DGKI: variants seen among roughly 807,000 people sequenced by gnomAD.
DGKI encodes DAG kinase iota.
DGKI carries 55 observed loss-of-function variants against 147.5 expected under a neutral mutation model. The observed-to-expected ratio is 0.37, with a 90% CI of 0.30 to 0.47. The LOEUF is 0.47. Among genes scored for constraint, DGKI ranks in the 20% least tolerant of loss-of-function variants. The pLI is 1.00. For missense variants in DGKI, 1,007 were observed against 1,323.8 expected (o/e 0.76, Z 3.71); for synonymous variants, 469 against 477.1 (o/e 0.98, Z 0.22).
At chr7:137,559,849 TA>T (rs1818358524) in intron 19 of DGKI, among the ~76,000 whole-genome samples, 1 of 152,194 alleles carries the variant, frequency 6.6e-6, no homozygotes, top group Non-Finnish European at 1.5e-5. Context: ...ATCATTCCTC[TA>T]AAATCTGCAA....
At chr7:137,689,586 A>C (rs1451306227) in intron 2 of DGKI, among the ~76,000 whole-genome samples, 2 of 152,256 alleles carry the variant, frequency 1.3e-5, no homozygotes, top group Non-Finnish European at 2.9e-5. Context: ...GGTAAGCTCA[A>C]TTCATCGTCA....
intron 21 of DGKI, among the ~76,000 whole-genome samples, chr7:137,506,549 C>T (rs1304797461): frequency 6.6e-6 from 1 of 152,030 alleles, no homozygotes; most frequent in African/African-American, 2.4e-5. Context: ...TTGTGAAAGC[C>T]CATAGAATTA....
chr7:137,444,489 T>A (rs985887542), intron 27 of DGKI, among the ~76,000 whole-genome samples: 1 of 152,232 alleles, frequency 6.6e-6, no homozygotes, highest in Non-Finnish European at 1.5e-5. Context: ...TGTCTGTAGA[T>A]ACAAAGAGAT....
intron 24 of DGKI, among the ~76,000 whole-genome samples, chr7:137,469,171 G>A (rs373743039): frequency 1.3e-5 from 2 of 152,280 alleles, no homozygotes; most frequent in African/African-American, 4.8e-5. Flanking sequence ...AAAATAATAT[G>A]AATGTTCCAT....
intron 32 of DGKI, among the ~76,000 whole-genome samples, chr7:137,394,319 TTGTTAG>T (rs1421932339): frequency 6.6e-6 from 1 of 152,226 alleles, no homozygotes; most frequent in Admixed American, 6.5e-5. Context: ...TCATCAGCTA[TTGTTAG>T]TGTTAGTGTA....
intron 12 of DGKI, among the ~76,000 whole-genome samples, chr7:137,589,641 G>C (rs2128984889): frequency 6.6e-6 from 1 of 152,288 alleles, no homozygotes; most frequent in Middle Eastern, 3.4e-3. Context: ...CTAATAAACT[G>C]CAAGAAGGGG....
intron 20 of DGKI, among the ~76,000 whole-genome samples, chr7:137,525,494 G>C (rs1817112718): frequency 6.6e-6 from 1 of 152,128 alleles, no homozygotes; most frequent in South Asian, 2.1e-4. Flanking sequence ...AGCAGGTATG[G>C]GAGGCAACAC....
Position 137,718,635 on chromosome 7 carries a change from G to T in DGKI, c.402-28633C>A, listed in dbSNP as rs190029086. Among the ~76,000 whole-genome samples, 386 of 152,278 alleles carry T rather than the reference G, an allele frequency of 2.5e-3. 2 individuals are homozygous for T. The highest frequency in any genetic ancestry group is 4.4e-3 in the Non-Finnish European group (299 of 68,022). On this transcript the variant is annotated intron_variant, in intron 1 of 32. Transcript: ENST00000614521. Reference sequence around the variant, plus strand: ...GTCATTTGCTGGCACATGTGAAAAAGAAGCCTCTGAAATGTGGACAACATA... The same window carrying T: ...GTCATTTGCTGGCACATGTGAAAAATAAGCCTCTGAAATGTGGACAACATA...
intron 1 of DGKI, among the ~76,000 whole-genome samples, chr7:137,698,767 T>G (rs1014237040): frequency 1.4e-4 from 22 of 152,118 alleles, no homozygotes; most frequent in Admixed American, 6.5e-4. Context: ...ATTAGAAAGT[T>G]TAAGTAATTT....
rs969158654 is a variant in DGKI, at chr7:137,383,217, AATTGGCAAAATT to A, written c.*7991_*8002del. On this transcript the variant is annotated 3_prime_UTR_variant, in exon 33 of 33. Coordinates refer to ENST00000614521, the MANE Select transcript of DGKI (RefSeq NM_001321708.2). ...TTAGGAGATTTGGGAATTGGCTAAC[AATTGGCAAAATT>A]GCTAGCCAATTTCCAAATCTCCTAA... The A allele has an allele frequency of 3.3e-5, 5 of 151,386 alleles. No homozygotes were observed. Among genetic ancestry groups the A allele is most frequent in the African/African-American group, 1.2e-4 (5 of 41,244 alleles). The allele number at this position is 151,386 out of a possible 1,614,324, so 9.4% of individuals were successfully genotyped here.
intron 21 of DGKI, among the ~76,000 whole-genome samples, chr7:137,503,691 T>C (rs1044992048): frequency 8.5e-5 from 13 of 152,168 alleles, no homozygotes; most frequent in Non-Finnish European, 1.8e-4. Context: ...TTGATTATTT[T>C]TATTGCTCAA....
chr7:137,508,908 T>A (rs1241458279), intron 21 of DGKI, among the ~76,000 whole-genome samples: 3 of 152,100 alleles, frequency 2.0e-5, no homozygotes, highest in African/African-American at 7.2e-5. Context: ...CATCCTGACA[T>A]AGAACAATTA....
chr7:137,420,908 A>G (rs1812543062), intron 28 of DGKI, among the ~76,000 whole-genome samples: 1 of 152,166 alleles, frequency 6.6e-6, no homozygotes, highest in Admixed American at 6.5e-5. Flanking sequence ...AGTCCCAGCT[A>G]CTTGGGAGGC....
In DGKI at chr7:137,388,193, CTCTTAT is replaced by C. The variant is rs1773421974; in HGVS notation, c.*3021_*3026del. 6.6e-6 allele frequency: 1 copy of C among 152,170 alleles called. No homozygotes were observed. The highest frequency in any genetic ancestry group is 2.4e-5 in the African/African-American group (1 of 41,442). 9.4% of individuals were successfully genotyped at this position (152,170 alleles called of 1,614,324 possible). ...TCCATTCTTGGCTTACTAATCTTCTCTCTTATTCTTTATGAAGTCCTTGAATACGAT... is the reference window on the plus strand; with the variant it reads ...TCCATTCTTGGCTTACTAATCTTCTCTCTTTATGAAGTCCTTGAATACGAT... On this transcript the variant is annotated 3_prime_UTR_variant, in exon 33 of 33. Transcript: ENST00000614521.
chr7:137,612,678 G>A (rs921882804), intron 8 of DGKI, among the ~76,000 whole-genome samples: 3 of 152,076 alleles, frequency 2.0e-5, no homozygotes, highest in African/African-American at 4.8e-5. Flanking sequence ...CACGCTTTTC[G>A]AGAATGTTAA....
intron 6 of DGKI, 53 bp from the exon 7 acceptor site, chr7:137,623,607 C>T (rs369035294): frequency 3.7e-5 from 56 of 1,501,920 alleles, no homozygotes; most frequent in Non-Finnish European, 5.0e-5. Context: ...AGTTACAGCG[C>T]ACATTTGCCC....
chr7:137,435,595 ACT>A lies in DGKI; in HGVS notation c.2761+8480_2761+8481del, dbSNP rs1484331156. ...AAGAGAAAGAGCCTCAAAAATGAGC[ACT>A]GTTTTTTACAACGGGGATTCTATAG... On this transcript the variant is annotated intron_variant, in intron 28 of 32. Coordinates refer to ENST00000614521, the MANE Select transcript of DGKI (RefSeq NM_001321708.2). 8.5e-5 allele frequency among the ~76,000 whole-genome samples: 13 copies of A among 152,252 alleles called. No individual in the cohort carries two copies. The South Asian group carries it at 2.5e-3, about 29-fold the overall frequency.
intron 26 of DGKI, among the ~76,000 whole-genome samples, chr7:137,464,644 A>C (rs4339578): frequency 0.088 from 13,365 of 152,196 alleles, 1,966 homozygotes; most frequent in African/African-American, 0.31. Context: ...TCTTGTCTCC[A>C]CCTAGACTTG....
At chr7:137,410,905 A>G (rs979961373) in intron 29 of DGKI, among the ~76,000 whole-genome samples, 1 of 152,230 alleles carries the variant, frequency 6.6e-6, no homozygotes, top group Non-Finnish European at 1.5e-5. Context: ...TCTTCTGGGT[A>G]ACAATTTCTA....
Sources: gnomAD v4.1 joint callset for allele counts (sites outside exome capture counted in the v4.1 genomes callset) on GRCh38, gnomAD v4.1.1 for gene constraint, MANE v1.5 for transcripts, NCBI Gene and HGNC (gene_info 2026-07-23, HGNC 2026-07-21) for gene names.